Variants in SLC16A5 observed in about 807,000 individuals in gnomAD.
SLC16A5 encodes monocarboxylate transporter 6.
SLC16A5 carries 29 observed loss-of-function variants against 33.2 expected under a neutral mutation model. The observed-to-expected ratio is 0.87, with a 90% CI of 0.65 to 1.19. SLC16A5 has a LOEUF of 1.19. SLC16A5 is among the 50% of genes most tolerant of loss of function. The pLI is 0.00. For synonymous variants in SLC16A5, 248 were observed against 284.1 expected (o/e 0.87, Z 1.28); for missense variants, 606 against 678.2 (o/e 0.89, Z 1.18).
upstream of SLC16A5, among the ~76,000 whole-genome samples, chr17:75,087,405 G>C (rs886948902): frequency 6.6e-6 from 1 of 152,220 alleles, no homozygotes; most frequent in Non-Finnish European, 1.5e-5. Context: ...ACCCAGGTAG[G>C]GGAAGAGGGA....
At chr17:75,108,080 G>A (rs1345857404), downstream of SLC16A5, among the ~76,000 whole-genome samples, 4 of 152,132 alleles carry the variant, frequency 2.6e-5, no homozygotes, top group Admixed American at 1.3e-4. Flanking sequence ...CCAGCCTGGC[G>A]ACAGAGCGAG....
chr17:75,090,443 G>GTTTCTTTTCT (rs766176610), intron 2 of SLC16A5: 1 of 147,200 alleles, frequency 6.8e-6, no homozygotes, highest in Admixed American at 6.8e-5. Flanking sequence ...TGGTGGCAGA[G>GTTTCTTTTCT]TTTCTTTTCT....
In SLC16A5 at chr17:75,105,911, G is replaced by A; in HGVS notation, c.1396G>A (p.Gly466Ser). The change falls in exon 7 of 7, where the codon GGC becomes AGC. Residue 466 changes from glycine (G) to serine (S), a missense_variant. By Grantham distance (56) the Gly-to-Ser change is moderately conservative. Coordinates refer to ENST00000329783, the MANE Select transcript of SLC16A5 (RefSeq NM_004695.4). Reference sequence around the variant, plus strand: ...GTCTTCCCGCCAGCCACGTCCAGCTGGCGTCAATAAGCATCTTTGGGGATG... The same window carrying A: ...GTCTTCCCGCCAGCCACGTCCAGCTAGCGTCAATAAGCATCTTTGGGGATG... Reference protein sequence around the residue: ...CQSSRQPRPAGVNKHLWGCPA... With the variant: ...CQSSRQPRPASVNKHLWGCPA... 6.2e-7 allele frequency: 1 copy of A among 1,608,518 alleles called. No individual in the cohort carries two copies. Among genetic ancestry groups the A allele is most frequent in the East Asian group, 2.2e-5 (1 of 44,702 alleles).
chr17:75,102,737 CTT>C (rs757384392), intron 5 of SLC16A5, among the ~76,000 whole-genome samples: 8 of 145,676 alleles, frequency 5.5e-5, no homozygotes, highest in African/African-American at 1.0e-4. Flanking sequence ...ATTCTTTTTT[CTT>C]TTTTTTTTTT....
At position 75,093,743 on chromosome 17, in the gene SLC16A5, T is replaced by C; in HGVS notation, c.107T>C (p.Ile36Thr). 1 of 1,613,928 alleles carries C rather than the reference T, an allele frequency of 6.2e-7. No individual in the cohort carries two copies. Among genetic ancestry groups the C allele is most frequent in the African/African-American group, 1.3e-5 (1 of 75,048 alleles). Residue 36 changes from isoleucine to threonine, a missense_variant, in exon 3 of 7, where the codon ATC becomes ACC. Transcript: ENST00000329783. ...CTGGGCTTCCCCACGTGTATCGGCATCTTCTTCACTGAATTGCAATGGGAG... is the reference window on the plus strand; with the variant it reads ...CTGGGCTTCCCCACGTGTATCGGCACCTTCTTCACTGAATTGCAATGGGAG... ...LTLGFPTCIG[I>T]FFTELQWEFQ...
At chr17:75,102,493 C>G (rs1310279987) in intron 5 of SLC16A5, among the ~76,000 whole-genome samples, 1 of 152,194 alleles carries the variant, frequency 6.6e-6, no homozygotes, top group East Asian at 1.9e-4. Flanking sequence ...CATCAGCAAC[C>G]ATCCTGGTGA....
intron 6 of SLC16A5, chr17:75,104,485 T>C (rs1328379004): frequency 7.2e-6 from 8 of 1,116,562 alleles, no homozygotes; most frequent in Non-Finnish European, 8.8e-6. Context: ...AGTGGCACCA[T>C]CTCGGCTCAC....
chr17:75,098,223 G>C, intron 4 of SLC16A5, 42 bp downstream of exon 4: 1 of 1,609,936 alleles, frequency 6.2e-7, no homozygotes, highest in Non-Finnish European at 8.5e-7. Flanking sequence ...GCACCTGCTA[G>C]AAAGTGCCAG....
chr17:75,105,394 T>A, intron 6 of SLC16A5: 1 of 985,310 alleles, frequency 1.0e-6, no homozygotes, highest in Non-Finnish European at 1.2e-6. Flanking sequence ...GTTGTGAAAA[T>A]GGGGCTGCTT....
chr17:75,104,785 G>C, intron 6 of SLC16A5: 2 of 985,382 alleles, frequency 2.0e-6, no homozygotes, highest in South Asian at 4.7e-5. Context: ...CGGAATCCAG[G>C]AGCAGGCCCT....
chr17:75,109,269 A>G (rs909153566), downstream of SLC16A5, among the ~76,000 whole-genome samples: 1 of 152,154 alleles, frequency 6.6e-6, no homozygotes, highest in African/African-American at 2.4e-5. The surrounding 1 kb of genome is among the most constrained non-coding windows in gnomAD (Gnocchi z 5.0). Context: ...CCCGGCTGAC[A>G]AAAAGCACCA....
At chr17:75,090,819 G>A (rs1255618680) in intron 2 of SLC16A5, among the ~76,000 whole-genome samples, 1 of 152,122 alleles carries the variant, frequency 6.6e-6, no homozygotes, top group Non-Finnish European at 1.5e-5. Flanking sequence ...GATTGGCCTG[G>A]GGCCTGGAGA....
At chr17:75,097,725 C>T (rs957331201) in intron 3 of SLC16A5, among the ~76,000 whole-genome samples, 6 of 152,194 alleles carry the variant, frequency 3.9e-5, no homozygotes, top group Admixed American at 2.6e-4. Context: ...CTGTTTCACC[C>T]GGATAGAATG....
Position 75,095,849 on chromosome 17 carries a change from C to T in SLC16A5, c.199+2014C>T, listed in dbSNP as rs137913333. ...TAATTTTTTGTATTTTTAGTAGAGA[C>T]GGGGTTTCACCGTGTTAGCCAGGAT... On this transcript the variant is annotated intron_variant, in intron 3 of 6. Coordinates refer to ENST00000329783, the MANE Select transcript of SLC16A5 (RefSeq NM_004695.4). Among the ~76,000 whole-genome samples the T allele has an allele frequency of 3.7e-4, 56 of 151,780 alleles. 1 individual carries two copies. The highest frequency in any genetic ancestry group is 1.0e-3 in the African/African-American group (42 of 41,174).
chr17:75,104,080 A>G lies in SLC16A5; in HGVS notation c.1264A>G (p.Lys422Glu). Residue 422 changes from lysine (K) to glutamate (E), a missense_variant, in exon 6 of 7, where the codon AAG (lysine) becomes GAG (glutamate). Transcript: ENST00000329783. ...TGGCAGCTTCTACGCCCTGCAGAAG[A>G]AGGAGCAAGGCAAGCAGGCTGTCGC... ...MGGSFYALQK[K>E]EQGKQAVAAD... 6.2e-7 allele frequency: 1 copy of G among 1,614,156 alleles called. No individual in the cohort carries two copies. The highest frequency in any genetic ancestry group is 2.2e-5 in the East Asian group (1 of 44,880).
downstream of SLC16A5, chr17:75,110,112 A>G (rs1276702321): frequency 1.1e-4 from 67 of 628,216 alleles, no homozygotes; most frequent in Admixed American, 1.3e-3. Context: ...CCCATCTCCC[A>G]TATCCCATTT....
chr17:75,088,244 A>G (rs909256182), intron 1 of SLC16A5, among the ~76,000 whole-genome samples, 200 bp downstream of exon 1: 1 of 152,194 alleles, frequency 6.6e-6, no homozygotes, highest in Admixed American at 6.5e-5. Context: ...CGCAAGCCCA[A>G]GGGCGCTCGG....
intron 5 of SLC16A5, among the ~76,000 whole-genome samples, chr17:75,101,370 C>T (rs568121349): frequency 6.6e-6 from 1 of 151,418 alleles, no homozygotes; most frequent in Non-Finnish European, 1.5e-5. Context: ...ACCAACATGG[C>T]TAACGTGGTG....
At chr17:75,094,481 G>T (rs905598110) in intron 3 of SLC16A5, among the ~76,000 whole-genome samples, 1 of 152,200 alleles carries the variant, frequency 6.6e-6, no homozygotes, top group African/African-American at 2.4e-5. Flanking sequence ...GAGGTCGGGA[G>T]TTTGAGACCA....
Sources: gnomAD v4.1 joint callset for allele counts (sites outside exome capture counted in the v4.1 genomes callset) on GRCh38, gnomAD v4.1.1 for gene constraint, Gnocchi (gnomAD v3.1) non-coding constraint, MANE v1.5 for transcripts, NCBI Gene and HGNC (gene_info 2026-07-23, HGNC 2026-07-21) for gene names.